The following ZMYM4 variants were observed in gnomAD, a reference collection of about 807,000 sequenced individuals.
ZMYM4 encodes the protein zinc finger MYM-type protein 4.
In ZMYM4, 31 loss-of-function variants were observed where a neutral mutation model predicts 183.2. The observed-to-expected ratio is 0.17, with a 90% confidence interval of 0.13 to 0.23. The LOEUF is 0.23. Among genes scored for constraint, ZMYM4 ranks in the 10% least tolerant of loss-of-function variants. ZMYM4 has a pLI of 1.00. For missense variants in ZMYM4, 1,273 were observed against 1,840.3 expected (o/e 0.69, Z 5.64); for synonymous variants, 592 against 631.2 (o/e 0.94, Z 0.93).
At chr1:35,369,668 AT>A (rs1644161821) in intron 5 of ZMYM4, among the ~76,000 whole-genome samples, 1 of 151,840 alleles carries the variant, frequency 6.6e-6, no homozygotes, top group Non-Finnish European at 1.5e-5. Context: ...ATATGATTAA[AT>A]TTTTTCTTAT....
intron 7 of ZMYM4, among the ~76,000 whole-genome samples, chr1:35,377,275 T>C (rs1054642652): frequency 1.3e-5 from 2 of 152,204 alleles, no homozygotes; most frequent in Non-Finnish European, 2.9e-5. Flanking sequence ...TCACTAAATA[T>C]CCTTCTCACT....
At chr1:35,309,377 G>T (rs144316454) in intron 1 of ZMYM4, among the ~76,000 whole-genome samples, 38 of 152,180 alleles carry the variant, frequency 2.5e-4, no homozygotes, top group African/African-American at 9.2e-4. Context: ...CCTTTAAATT[G>T]TGCTGGGCAT....
chr1:35,324,517 T>A (rs894536756), intron 1 of ZMYM4, among the ~76,000 whole-genome samples: 4 of 152,218 alleles, frequency 2.6e-5, no homozygotes, highest in African/African-American at 9.6e-5. Flanking sequence ...TATTTTCTCT[T>A]CATATTTATG....
At chr1:35,297,715 A>G (rs1259770864) in intron 1 of ZMYM4, among the ~76,000 whole-genome samples, 1 of 152,146 alleles carries the variant, frequency 6.6e-6, no homozygotes, top group East Asian at 1.9e-4. Flanking sequence ...GCATTTCATC[A>G]TCACCAACCA....
At chr1:35,366,536 T>C (rs1644084724) in intron 5 of ZMYM4, among the ~76,000 whole-genome samples, 1 of 152,166 alleles carries the variant, frequency 6.6e-6, no homozygotes, top group African/African-American at 2.4e-5. Flanking sequence ...GAAAATTTAG[T>C]GGAGTACCTA....
chr1:35,404,987 A>C, intron 23 of ZMYM4, 36 bp from the exon 24 acceptor site: 4 of 1,549,456 alleles, frequency 2.6e-6, no homozygotes, highest in Non-Finnish European at 3.5e-6. Flanking sequence ...TCCAAAACTA[A>C]ATTTTATGTT....
chr1:35,289,802 T>G (rs12562336), intron 1 of ZMYM4, among the ~76,000 whole-genome samples: 1 of 152,138 alleles, frequency 6.6e-6, no homozygotes, highest in Non-Finnish European at 1.5e-5. Flanking sequence ...AAATTGCCCC[T>G]GGTTGAATAC....
rs1570192779 is a variant in ZMYM4 at position 35,268,919 on chromosome 1, A to T, written c.-128A>T. 18 of 1,107,930 alleles carry T rather than the reference A, an allele frequency of 1.6e-5. No homozygotes were observed. The highest frequency in any genetic ancestry group is 1.9e-5 in the Non-Finnish European group (16 of 859,876). 68.6% of individuals were successfully genotyped at this position (1,107,930 alleles called of 1,614,324 possible). On this transcript the variant is annotated 5_prime_UTR_variant, in exon 1 of 30. Coordinates refer to ENST00000314607, the MANE Select transcript of ZMYM4 (RefSeq NM_005095.3). ...TCCGCCCCCTCCCCACTCTCGGCGC[A>T]AGGCCCGGCCGGGTCCGGGGAAGCT...
Position 35,414,022 on chromosome 1 carries a change from C to T in ZMYM4, c.3999C>T (p.Ser1333=). ...RIDNIFTEPY[S]RFMIELTKLL... ...ATAACATTTTTACTGAGCCCTATTC[C>T]AGATTTATGATTGAACTTACCAAAC... The change falls in exon 27 of 30, where the codon TCC becomes TCT. Residue 1333 remains serine, a synonymous_variant. Transcript: ENST00000314607. 1 of 1,594,122 alleles carries T rather than the reference C, an allele frequency of 6.3e-7. No homozygotes were observed. The highest frequency in any genetic ancestry group is 8.5e-7 in the Non-Finnish European group (1 of 1,172,016).
chr1:35,398,036 C>T (rs1644839974), intron 20 of ZMYM4, among the ~76,000 whole-genome samples: 1 of 152,106 alleles, frequency 6.6e-6, no homozygotes, highest in Non-Finnish European at 1.5e-5. Flanking sequence ...CATTGTGTGC[C>T]TTGCCTGATT....
intron 7 of ZMYM4, among the ~76,000 whole-genome samples, chr1:35,378,209 C>T (rs919325834): frequency 6.6e-6 from 1 of 152,196 alleles, no homozygotes; most frequent in Non-Finnish European, 1.5e-5. Context: ...CCACAGAAGT[C>T]TCAAACTCCT....
chr1:35,305,062 TGTTGATTTCCTGAC>T (rs1362272939), intron 1 of ZMYM4, among the ~76,000 whole-genome samples: 9 of 152,310 alleles, frequency 5.9e-5, no homozygotes, highest in South Asian at 4.1e-4. Context: ...GCCAGGATGG[TGTTGATTTCCTGAC>T]CTCGTGATCC....
In ZMYM4 at chr1:35,386,181, G is replaced by A. The variant is rs1422732997; in HGVS notation, c.1828G>A (p.Ala610Thr). Residue 610 changes from alanine (A) to threonine (T), a missense_variant, in exon 11 of 30, where the codon GCT (alanine) becomes ACT (threonine). Ala to Thr is a moderately conservative substitution (Grantham distance 58, BLOSUM62 0). This residue lies in a region of ZMYM4 where 319 missense variants were observed against 518.1 expected (regional missense o/e 0.62). Coordinates refer to ENST00000314607, the MANE Select transcript of ZMYM4 (RefSeq NM_005095.3). ...CTTCTGCAGCTACAGCTGTGTGGTAGCTTTCCAGGTATGGCTTCAGGAACC... is the reference window on the plus strand; with the variant it reads ...CTTCTGCAGCTACAGCTGTGTGGTAACTTTCCAGGTATGGCTTCAGGAACC... ...RNFCSYSCVV[A>T]FQNLFNKPTG... 1 of 1,612,664 alleles carries A rather than the reference G, an allele frequency of 6.2e-7. No individual in the cohort carries two copies. The highest frequency in any genetic ancestry group is 8.5e-7 in the Non-Finnish European group (1 of 1,179,246).
rs58075959 is a variant in ZMYM4, at chr1:35,331,801, A to C, written c.85+6396A>C. ...AAAGACTCCATCTCAAAAATACATA[A>C]ATAAATAAATAAATAAATAAATAAA... is the stretch of plus-strand genomic sequence containing the variant. On this transcript the variant is annotated intron_variant, in intron 2 of 29. Coordinates refer to ENST00000314607, the MANE Select transcript of ZMYM4 (RefSeq NM_005095.3). Among the ~76,000 whole-genome samples, 1,260 of 129,128 alleles carry C rather than the reference A, an allele frequency of 9.8e-3. 20 individuals are homozygous for C. The highest frequency in any genetic ancestry group is 0.032 in the African/African-American group (1,195 of 37,116). 84.7% of individuals were successfully genotyped at this position (129,128 alleles called of 152,430 possible). A position where few individuals can be genotyped will look rare whatever the true frequency, so the allele number is the denominator to read the frequency against.
chr1:35,373,257 C>G (rs1332323370), intron 7 of ZMYM4, among the ~76,000 whole-genome samples: 1 of 150,190 alleles, frequency 6.7e-6, no homozygotes, highest in Non-Finnish European at 1.5e-5. Flanking sequence ...TATATATACA[C>G]ACACACCCAC....
intron 1 of ZMYM4, 65 bp from the exon 2 acceptor site, chr1:35,325,295 T>C: frequency 1.4e-6 from 2 of 1,461,554 alleles, no homozygotes; most frequent in Non-Finnish European, 9.4e-7. Flanking sequence ...TAGGGAGGGA[T>C]ACCAAAAGAA....
chr1:35,411,167 A>G (rs953326383), intron 26 of ZMYM4, among the ~76,000 whole-genome samples: 5 of 149,880 alleles, frequency 3.3e-5, no homozygotes, highest in African/African-American at 1.2e-4. Flanking sequence ...ACTCTCAGTT[A>G]TAATCCATTT....
intron 11 of ZMYM4, 130 bp downstream of exon 11, chr1:35,386,319 G>A: frequency 1.6e-6 from 1 of 624,410 alleles, no homozygotes; most frequent in South Asian, 2.3e-5. Context: ...TTGGCTCACA[G>A]TTCCACAGGC....
At chr1:35,347,356 T>C (rs971990765) in intron 2 of ZMYM4, among the ~76,000 whole-genome samples, 2 of 152,222 alleles carry the variant, frequency 1.3e-5, no homozygotes, top group African/African-American at 2.4e-5. Flanking sequence ...TTGCAGATAG[T>C]ATGAGCTCTA....
Sources: gnomAD v4.1 joint callset for allele counts (sites outside exome capture counted in the v4.1 genomes callset) on GRCh38, gnomAD v4.1.1 for gene constraint, gnomAD v4.1.1 regional missense constraint, MANE v1.5 for transcripts, NCBI Gene and HGNC (gene_info 2026-07-23, HGNC 2026-07-21) for gene names.